Variants in GAS7 observed in about 807,000 individuals in gnomAD.
The protein encoded by GAS7 is growth arrest specific 7.
Under a neutral mutation model 71.1 loss-of-function variants are expected in GAS7, and 28 were observed. The ratio of observed to expected loss-of-function variants is 0.39; its 90% CI spans 0.29 to 0.54. The LOEUF (loss-of-function observed/expected upper bound fraction) is 0.54, where lower values mean the gene tolerates loss of function less well. Ranked by LOEUF, GAS7 falls within the 20% of genes least tolerant of loss-of-function variation. The pLI, the probability that GAS7 is intolerant of heterozygous loss-of-function variation, is 0.62. For synonymous variants in GAS7, 258 were observed against 245.8 expected (o/e 1.05, Z -0.46); for missense variants, 436 against 627.8 (o/e 0.69, Z 3.27).
chr17:10,153,975 G>A (rs1383531199), intron 1 of GAS7, among the ~76,000 whole-genome samples: 1 of 152,202 alleles, frequency 6.6e-6, no homozygotes, highest in Non-Finnish European at 1.5e-5. Context: ...CTACTTGGAA[G>A]GTTGAGGCAG....
At chr17:10,007,265 G>A (rs547555432) in intron 2 of GAS7, among the ~76,000 whole-genome samples, 1 of 152,132 alleles carries the variant, frequency 6.6e-6, no homozygotes, top group South Asian at 2.1e-4. Flanking sequence ...CAATTTCCGA[G>A]GTATTTCTGA....
At chr17:10,080,017 T>G (rs7214058) in intron 1 of GAS7, among the ~76,000 whole-genome samples, 81,124 of 151,870 alleles carry the variant, frequency 0.53, 22,467 homozygotes, top group African/African-American at 0.66. Flanking sequence ...AAAAGATAAG[T>G]CTGAGACCTA....
intron 7 of GAS7, 84 bp from the exon 8 acceptor site, chr17:9,940,284 T>G: frequency 1.0e-6 from 1 of 986,208 alleles, no homozygotes. Context: ...ACCTCAGCCG[T>G]GGAAAGGAAC....
chr17:9,934,877 A>G (rs1373238325), intron 8 of GAS7, among the ~76,000 whole-genome samples: 3 of 152,214 alleles, frequency 2.0e-5, no homozygotes, highest in Non-Finnish European at 2.9e-5. Context: ...CTGGGATTAC[A>G]GGCGTGTGCC....
chr17:10,056,653 C>T lies in GAS7; in HGVS notation c.184-36756G>A, dbSNP rs187329631. ...TTGGGAGGCCAAGGCAGGTGGATCA[C>T]GAGGTCAGGAGATCGAGACCATCCT... On this transcript the variant is annotated intron_variant, in intron 1 of 13. Coordinates refer to ENST00000432992, the MANE Select transcript of GAS7 (RefSeq NM_201433.2). Among the ~76,000 whole-genome samples, 307 of 152,090 alleles carry T rather than the reference C, an allele frequency of 2.0e-3. 1 individual carries two copies. Among genetic ancestry groups the T allele is most frequent in the African/African-American group, 6.9e-3 (287 of 41,534 alleles).
chr17:10,133,685 A>T (rs950969001), intron 1 of GAS7, among the ~76,000 whole-genome samples: 1 of 151,664 alleles, frequency 6.6e-6, no homozygotes, highest in Non-Finnish European at 1.5e-5. Flanking sequence ...CATATTCCCC[A>T]CCCGCAACCC....
intron 1 of GAS7, among the ~76,000 whole-genome samples, chr17:10,185,835 C>G (rs747815154): frequency 5.3e-5 from 8 of 152,106 alleles, no homozygotes; most frequent in Non-Finnish European, 1.2e-4. Flanking sequence ...CCAATCAAGT[C>G]ACAGAAGTGT....
rs12938892 is a variant in GAS7 at position 10,103,775 on chromosome 17, A to G, written c.184-83878T>C. Among the ~76,000 whole-genome samples the G allele has an allele frequency of 0.36, 54,360 of 151,182 alleles. 9,920 individuals carry two copies. Among genetic ancestry groups the G allele is most frequent in the South Asian group, 0.46 (2,196 of 4,782 alleles). On this transcript the variant is annotated intron_variant, in intron 1 of 13. Coordinates refer to ENST00000432992, the MANE Select transcript of GAS7 (RefSeq NM_201433.2). This position sits in a 1 kb window ranked among gnomAD's most constrained non-coding sequence, Gnocchi z 5.5. ...TGGGAGGCAGAGGTTGCAGTGAGCC[A>G]AGATCTCACCATTGCACTCCAGCCT... is the stretch of plus-strand genomic sequence containing the variant.
intron 9 of GAS7, among the ~76,000 whole-genome samples, chr17:9,927,883 C>T (rs1263957316): frequency 6.6e-6 from 1 of 152,138 alleles, no homozygotes. Flanking sequence ...CTCATAAAGA[C>T]ATTCTCAGCT....
intron 5 of GAS7, among the ~76,000 whole-genome samples, chr17:9,951,455 T>TGGCCAGG (rs1174121819): frequency 1.3e-5 from 2 of 152,096 alleles, no homozygotes; most frequent in Admixed American, 6.5e-5. Flanking sequence ...AACACTTCCC[T>TGGCCAGG]ACAAAGAAAG....
At chr17:9,921,306 G>A (rs1338802104) in intron 11 of GAS7, among the ~76,000 whole-genome samples, 5 of 151,774 alleles carry the variant, frequency 3.3e-5, no homozygotes, top group South Asian at 2.1e-4. Flanking sequence ...ACAGGCATGC[G>A]CCACCACCCC....
At position 9,914,395 on chromosome 17, in the gene GAS7, T is replaced by A. The variant is rs542077844; in HGVS notation, c.*2833A>T. ...GTGTGCACCACCACATCTGGCTAAT[T>A]TTTTGTATTTTTAGCAGAGACGGGG... On this transcript the variant is annotated 3_prime_UTR_variant, in exon 14 of 14. Coordinates refer to ENST00000432992, the MANE Select transcript of GAS7 (RefSeq NM_201433.2). 1 of 180,448 alleles carries A rather than the reference T, an allele frequency of 5.5e-6. No homozygotes were observed. The highest frequency in any genetic ancestry group is 9.2e-5 in the East Asian group (1 of 10,928). The allele number at this position is 180,448 out of a possible 1,614,324, so 11.2% of individuals were successfully genotyped here.
chr17:10,189,968 CA>C (rs2074485408), intron 1 of GAS7, among the ~76,000 whole-genome samples: 1 of 151,452 alleles, frequency 6.6e-6, no homozygotes, highest in Non-Finnish European at 1.5e-5. Context: ...GAAAACAAAT[CA>C]AAAGAAGAAT....
At chr17:9,985,982 C>T (rs909152592) in intron 2 of GAS7, among the ~76,000 whole-genome samples, 2 of 152,252 alleles carry the variant, frequency 1.3e-5, no homozygotes, top group African/African-American at 4.8e-5. Flanking sequence ...GCAACACACA[C>T]ATTCCATCCA....
intron 7 of GAS7, among the ~76,000 whole-genome samples, 155 bp from the exon 8 acceptor site, chr17:9,940,355 G>A (rs554746109): frequency 6.6e-6 from 1 of 152,276 alleles, no homozygotes; most frequent in East Asian, 1.9e-4. Flanking sequence ...CATGCAGTAG[G>A]TGCTTAATAA....
At chr17:9,978,800 T>C (rs1432712705) in intron 3 of GAS7, among the ~76,000 whole-genome samples, 6 of 152,204 alleles carry the variant, frequency 3.9e-5, no homozygotes, top group African/African-American at 1.4e-4. Flanking sequence ...CGTAGGGAGC[T>C]GCTGCTTCTT....
chr17:10,177,096 A>G lies in GAS7; in HGVS notation c.183+21112T>C, dbSNP rs1597836889. Among the ~76,000 whole-genome samples, 5 of 152,306 alleles carry G rather than the reference A, an allele frequency of 3.3e-5. No homozygotes were observed. The South Asian group carries it at 1.0e-3, about 32-fold the overall frequency. ...AACAGTCAAATAAATAAGGCATCGC[A>G]GTCCCATGTGGTTGGTGCCATCCCA... On this transcript the variant is annotated intron_variant, in intron 1 of 13. Coordinates refer to ENST00000432992, the MANE Select transcript of GAS7 (RefSeq NM_201433.2).
intron 1 of GAS7, among the ~76,000 whole-genome samples, chr17:10,068,936 G>A (rs1409040662): frequency 6.6e-6 from 1 of 152,188 alleles, no homozygotes; most frequent in Non-Finnish European, 1.5e-5. Flanking sequence ...GGTAGCATGT[G>A]TAAAACACTG....
chr17:10,137,124 AAG>A (rs142234371), intron 1 of GAS7, among the ~76,000 whole-genome samples: 33 of 150,528 alleles, frequency 2.2e-4, no homozygotes, highest in Non-Finnish European at 3.5e-4. Flanking sequence ...AAAAGAAAAA[AAG>A]AGAGAGAGAG....
Sources: gnomAD v4.1 joint callset for allele counts (sites outside exome capture counted in the v4.1 genomes callset) on GRCh38, gnomAD v4.1.1 for gene constraint, Gnocchi (gnomAD v3.1) non-coding constraint, MANE v1.5 for transcripts, NCBI Gene and HGNC (gene_info 2026-07-23, HGNC 2026-07-21) for gene names.